NALCN: variants seen among roughly 807,000 people sequenced by gnomAD.
The protein encoded by NALCN is sodium leak channel, non-selective, also known as sodium leak channel NALCN.
In NALCN, 111 loss-of-function variants were observed where a neutral mutation model predicts 225.3. The ratio of observed to expected loss-of-function variants is 0.49; its 90% CI spans 0.42 to 0.58. The LOEUF is 0.58. Among genes scored for constraint, NALCN ranks in the 20% least tolerant of loss-of-function variants. The pLI, the probability that NALCN is intolerant of heterozygous loss-of-function variation, is 0.00. For missense variants in NALCN, 1,378 were observed against 2,202.4 expected, an observed-to-expected ratio of 0.63 and a Z score of 7.49; for synonymous variants, 764 against 769.0, an observed-to-expected ratio of 0.99 and a Z score of 0.11.
chr13:101,126,788 GCCAAAAGTTGA>G (rs745481109), intron 17 of NALCN, among the ~76,000 whole-genome samples: 3 of 152,098 alleles, frequency 2.0e-5, no homozygotes, highest in Non-Finnish European at 4.4e-5. Context: ...ACCACACCCG[GCCAAAAGTTGA>G]CTTTTGACAT....
intron 13 of NALCN, among the ~76,000 whole-genome samples, chr13:101,193,809 T>C (rs2039780948): frequency 6.6e-6 from 1 of 152,212 alleles, no homozygotes; most frequent in African/African-American, 2.4e-5. Context: ...GAATATTTAT[T>C]GTATCCAAAG....
intron 15 of NALCN, among the ~76,000 whole-genome samples, chr13:101,168,148 G>A (rs2038544146): frequency 6.6e-6 from 1 of 152,084 alleles, no homozygotes; most frequent in East Asian, 1.9e-4. Context: ...CTCTTGTGCT[G>A]TGACTTCTCA....
intron 11 of NALCN, among the ~76,000 whole-genome samples, chr13:101,247,516 T>A (rs2041933585): frequency 6.6e-6 from 1 of 152,110 alleles, no homozygotes; most frequent in Non-Finnish European, 1.5e-5. Flanking sequence ...TGCAAAGATT[T>A]TAAATAAATC....
intron 18 of NALCN, among the ~76,000 whole-genome samples, chr13:101,121,854 GTA>G (rs1161396696): frequency 2.0e-5 from 3 of 152,038 alleles, no homozygotes; most frequent in Non-Finnish European, 4.4e-5. Context: ...CCTAGAGGCA[GTA>G]AAAAGACACT....
intron 13 of NALCN, among the ~76,000 whole-genome samples, chr13:101,210,901 G>T (rs549416312): frequency 6.6e-6 from 1 of 152,128 alleles, no homozygotes; most frequent in African/African-American, 2.4e-5. Flanking sequence ...GAAATTGTGG[G>T]TAGCCATGAG....
chr13:101,409,760 A>G (rs985597512), intron 1 of NALCN, among the ~76,000 whole-genome samples: 22 of 152,218 alleles, frequency 1.4e-4, no homozygotes, highest in African/African-American at 4.8e-4. Context: ...AAATTTTGCA[A>G]TATGAATCCA....
chr13:101,224,401 TA>T (rs1030173024), intron 13 of NALCN, among the ~76,000 whole-genome samples: 4 of 152,166 alleles, frequency 2.6e-5, no homozygotes, highest in Non-Finnish European at 4.4e-5. Context: ...ACTACCCAAA[TA>T]ACTTTTTTCT....
At chr13:101,083,592 T>C (rs1400919811) in intron 31 of NALCN, 119 bp downstream of exon 31, 3 of 932,228 alleles carry the variant, frequency 3.2e-6, no homozygotes, top group Admixed American at 5.0e-5. Flanking sequence ...TGTTTCTGTA[T>C]TACCTTATGC....
At chr13:101,194,041 T>A (rs1221379693) in intron 13 of NALCN, among the ~76,000 whole-genome samples, 1 of 152,114 alleles carries the variant, frequency 6.6e-6, no homozygotes, top group Non-Finnish European at 1.5e-5. Context: ...CAGATTTATT[T>A]TGGTATCTGG....
intron 7 of NALCN, among the ~76,000 whole-genome samples, chr13:101,307,436 AAGACTGTGGCTTAATG>A (rs2139126648): frequency 6.6e-6 from 1 of 152,298 alleles, no homozygotes; most frequent in South Asian, 2.1e-4. Flanking sequence ...TAAAAATGAA[AAGACTGTGGCTTAATG>A]AGACTAAACA....
intron 17 of NALCN, among the ~76,000 whole-genome samples, chr13:101,132,434 C>T (rs541189668): frequency 1.2e-4 from 19 of 152,082 alleles, no homozygotes; most frequent in African/African-American, 4.6e-4. Context: ...TACATGTGTT[C>T]TTGAATTAGA....
At position 101,242,272 on chromosome 13, in the gene NALCN, C is replaced by T. The variant is rs145784122; in HGVS notation, c.1267-4350G>A. Among the ~76,000 whole-genome samples, 728 of 105,892 alleles carry T rather than the reference C, an allele frequency of 6.9e-3. 223 individuals are homozygous for T. Among genetic ancestry groups the T allele is most frequent in the African/African-American group, 0.024 (703 of 29,464 alleles). 69.5% of individuals were successfully genotyped at this position (105,892 alleles called of 152,430 possible). On this transcript the variant is annotated intron_variant, in intron 11 of 43. Transcript: ENST00000251127. ...GCTTCCTGTGTATTTTATGTCATTG[C>T]TGTTTCATTTTTAACCTTATCTTGT... is the stretch of plus-strand genomic sequence containing the variant.
intron 14 of NALCN, among the ~76,000 whole-genome samples, chr13:101,181,635 A>G (rs552556906): frequency 1.2e-3 from 186 of 151,150 alleles, no homozygotes; most frequent in African/African-American, 4.3e-3. Flanking sequence ...GCTACTTGGG[A>G]GGAGGCTGAG....
chr13:101,067,677 T>A (rs2032535733), intron 39 of NALCN, among the ~76,000 whole-genome samples: 3 of 152,184 alleles, frequency 2.0e-5, no homozygotes, highest in African/African-American at 7.2e-5. Context: ...TGGCTTCCTT[T>A]CCCTGCTGGC....
intron 11 of NALCN, among the ~76,000 whole-genome samples, chr13:101,240,385 T>C (rs1036862464): frequency 1.3e-5 from 2 of 151,986 alleles, no homozygotes; most frequent in African/African-American, 4.8e-5. Context: ...TCTTTTTTAC[T>C]ATTTCTACCC....
intron 1 of NALCN, among the ~76,000 whole-genome samples, chr13:101,404,444 A>G (rs2047561386): frequency 6.6e-6 from 1 of 152,242 alleles, no homozygotes; most frequent in Non-Finnish European, 1.5e-5. Flanking sequence ...AACTATATAA[A>G]CAAAATAAGA....
intron 7 of NALCN, among the ~76,000 whole-genome samples, chr13:101,320,504 T>C (rs1246774438): frequency 1.3e-5 from 2 of 152,226 alleles, no homozygotes; most frequent in Non-Finnish European, 2.9e-5. Context: ...AAAGTACAGT[T>C]CTTGCTGTGT....
chr13:101,250,504 C>T (rs1443805550), intron 11 of NALCN, among the ~76,000 whole-genome samples: 3 of 152,056 alleles, frequency 2.0e-5, no homozygotes, highest in African/African-American at 7.2e-5. Context: ...AATTGCACTA[C>T]AGGAGTGAGG....
chr13:101,090,417 A>C (rs2034170342), intron 28 of NALCN, among the ~76,000 whole-genome samples: 1 of 152,210 alleles, frequency 6.6e-6, no homozygotes, highest in African/African-American at 2.4e-5. Context: ...AAAGGCATAA[A>C]TTACAATTGC....
Sources: gnomAD v4.1 joint callset for allele counts (sites outside exome capture counted in the v4.1 genomes callset) on GRCh38, gnomAD v4.1.1 for gene constraint, MANE v1.5 for transcripts, NCBI Gene and HGNC (gene_info 2026-07-23, HGNC 2026-07-21) for gene names.